The following TNPO3 variants were observed in gnomAD, a reference collection of about 807,000 sequenced individuals.
TNPO3 encodes the protein transportin 3.
Under a neutral mutation model 122.8 loss-of-function variants are expected in TNPO3, and 65 were observed. That is an observed-to-expected ratio of 0.53 (90% confidence interval 0.43 to 0.65). The LOEUF (loss-of-function observed/expected upper bound fraction) is 0.65, where lower values mean the gene tolerates loss of function less well. Ranked by LOEUF, TNPO3 falls within the 30% of genes least tolerant of loss-of-function variation. TNPO3 has a pLI of 0.00. For synonymous variants in TNPO3, 372 were observed against 411.2 expected, an observed-to-expected ratio of 0.90 and a Z score of 1.15; for missense variants, 850 against 1,136.7, an observed-to-expected ratio of 0.75 and a Z score of 3.63.
In TNPO3 at chr7:128,990,036, T is replaced by C; in HGVS notation, c.1423A>G (p.Thr475Ala). Residue 475 changes from threonine to alanine, a missense_variant, in exon 11 of 23, where the codon ACG (threonine) becomes GCG (alanine). Transcript: ENST00000265388. ...TCAATGCTGGTGTATCGCACAGCCG[T>C]ATGTACGGTCTCCGGGAGGCGGACA... ...GVVRLPETVH[T>A]AVRYTSIELV... 1 of 1,614,234 alleles carries C rather than the reference T, an allele frequency of 6.2e-7. No homozygotes were observed.
chr7:128,994,136 T>C (rs547155223), intron 8 of TNPO3, among the ~76,000 whole-genome samples: 1 of 152,218 alleles, frequency 6.6e-6, no homozygotes, highest in South Asian at 2.1e-4. Flanking sequence ...AGAAAATCTT[T>C]GGTTTGTGTG....
intron 21 of TNPO3, among the ~76,000 whole-genome samples, chr7:128,959,587 C>A (rs759753758): frequency 6.6e-6 from 1 of 152,134 alleles, no homozygotes; most frequent in South Asian, 2.1e-4. Flanking sequence ...AACTTTAGTG[C>A]GATAGGGTGA....
chr7:128,995,573 A>T (rs1801218522), intron 8 of TNPO3, among the ~76,000 whole-genome samples: 2 of 152,276 alleles, frequency 1.3e-5, no homozygotes, highest in Admixed American at 1.3e-4. Flanking sequence ...ATTACCCGCA[A>T]GGGAAATGGT....
At position 128,994,859 on chromosome 7, in the gene TNPO3, T is replaced by C. The variant is rs199729091; in HGVS notation, c.1159-945A>G. Among the ~76,000 whole-genome samples, 6 of 152,282 alleles carry C rather than the reference T, an allele frequency of 3.9e-5. No individual in the cohort carries two copies. In the East Asian group the frequency reaches 1.2e-3, roughly 29 times the overall value. ...TTTTTGTAGAGTTAGGGTTTTGCCA[T>C]GTTGCCCAGGCTGGTCTCAAACTCC... On this transcript the variant is annotated intron_variant, in intron 8 of 22. Coordinates refer to ENST00000265388, the MANE Select transcript of TNPO3 (RefSeq NM_012470.4).
At chr7:129,056,066 CG>C, upstream of TNPO3, 1 of 1,168,378 alleles carries the variant, frequency 8.6e-7, no homozygotes, top group Admixed American at 1.9e-5. Flanking sequence ...GGAAGATGAA[CG>C]GGCGGAAGAA....
At chr7:128,983,619 A>C (rs1333779780) in intron 13 of TNPO3, among the ~76,000 whole-genome samples, 3 of 152,232 alleles carry the variant, frequency 2.0e-5, no homozygotes, top group African/African-American at 7.2e-5. Context: ...GCTGACCCTG[A>C]CATAGCAACC....
intron 18 of TNPO3, among the ~76,000 whole-genome samples, chr7:128,973,825 G>A (rs10247003): frequency 1 from 115,536 of 115,746 alleles, 57,663 homozygotes; most frequent in African/African-American, 1. Context: ...AAAAAGAAAA[G>A]GAAAAAAAAA....
Position 129,054,667 on chromosome 7 carries a change from C to A in TNPO3, c.104G>T (p.Gly35Val). Residue 35 changes from glycine to valine, a missense_variant, in exon 1 of 23, where the codon GGG becomes GTG. Physicochemically the swap from Gly to Val is moderately radical, Grantham distance 109. Coordinates refer to ENST00000265388, the MANE Select transcript of TNPO3 (RefSeq NM_012470.4). Reference sequence around the variant, plus strand: ...GCCCCTCACCGAACGCTGCAGCTCCCCAAGCCAAAAAGAGGCGCGCTCCTT... The same window carrying A: ...GCCCCTCACCGAACGCTGCAGCTCCACAAGCCAAAAAGAGGCGCGCTCCTT... ...SGKERASFWLGELQRSVHAWE... is the reference protein window; with the variant it reads ...SGKERASFWLVELQRSVHAWE... 2 of 1,614,072 alleles carry A rather than the reference C, an allele frequency of 1.2e-6. No individual in the cohort carries two copies. The highest frequency in any genetic ancestry group is 1.7e-6 in the Non-Finnish European group (2 of 1,180,038).
intron 1 of TNPO3, among the ~76,000 whole-genome samples, chr7:129,026,125 CA>C (rs57663203): frequency 0.51 from 50,338 of 99,248 alleles, 8,851 homozygotes; most frequent in East Asian, 0.57. Flanking sequence ...GACTCCGTCT[CA>C]AAAAAAAAAA....
chr7:129,042,865 C>A (rs1215532515), intron 1 of TNPO3, among the ~76,000 whole-genome samples: 1 of 133,388 alleles, frequency 7.5e-6, no homozygotes, highest in African/African-American at 2.8e-5. Flanking sequence ...TCCCATCCTC[C>A]AAAAAAAAAA....
At position 128,975,855 on chromosome 7, in the gene TNPO3, T is replaced by C; in HGVS notation, c.2142A>G (p.Glu714=). ...CTAGCAGTCCCTGCCGACAGCCTTC[T>C]TCCATGCCATATTCATCCACAAGGA... The part of the protein sequence containing the change: ...GSILVDEYGM[E]EGCRQGLLDM... Residue 714 remains glutamate, a synonymous_variant, in exon 17 of 23, where the codon GAA becomes GAG. Coordinates refer to ENST00000265388, the MANE Select transcript of TNPO3 (RefSeq NM_012470.4). 6.2e-7 allele frequency: 1 copy of C among 1,614,024 alleles called. No homozygotes were observed.
chr7:128,988,565 T>C (rs1156408677), intron 11 of TNPO3, among the ~76,000 whole-genome samples: 1 of 152,144 alleles, frequency 6.6e-6, no homozygotes, highest in Non-Finnish European at 1.5e-5. Flanking sequence ...CAAATCTGAA[T>C]GAGATACTGC....
In TNPO3 at chr7:129,039,274, G is replaced by A. The variant is rs145232465; in HGVS notation, c.120+15377C>T. Among the ~76,000 whole-genome samples the A allele has an allele frequency of 2.3e-3, 345 of 152,184 alleles. 1 individual carries two copies. The highest frequency in any genetic ancestry group is 4.1e-3 in the Non-Finnish European group (278 of 67,992). On this transcript the variant is annotated intron_variant, in intron 1 of 22. Transcript: ENST00000265388. ...TTCCTTGAAAGGTTAAAAATAGAGC[G>A]TTATCACCCAGGCACAGTGGCTCAC...
intron 4 of TNPO3, among the ~76,000 whole-genome samples, chr7:129,011,877 G>A (rs1270149936): frequency 6.6e-6 from 1 of 152,028 alleles, no homozygotes. Context: ...TGGTTTGAGT[G>A]AAATTTGCTG....
intron 1 of TNPO3, among the ~76,000 whole-genome samples, chr7:129,049,363 AG>A (rs1808433932): frequency 1.3e-5 from 2 of 152,218 alleles, no homozygotes; most frequent in Non-Finnish European, 2.9e-5. Flanking sequence ...ATCTGACAAG[AG>A]GAGAAGCAGC....
At chr7:128,977,757 T>C (rs3778749) in intron 16 of TNPO3, among the ~76,000 whole-genome samples, 96,716 of 151,912 alleles carry the variant, frequency 0.64, 31,112 homozygotes, top group Middle Eastern at 0.71. Flanking sequence ...CCACTGCGCC[T>C]GGCTAATTTT....
Position 128,971,788 on chromosome 7 carries a change from A to G in TNPO3, c.2430+638T>C, listed in dbSNP as rs1239466770. On this transcript the variant is annotated intron_variant, in intron 19 of 22. Coordinates refer to ENST00000265388, the MANE Select transcript of TNPO3 (RefSeq NM_012470.4). ...TCTAATCCATCAAAATTCTACCTCT[A>G]ATTCATGGCTTCATTTAAATCCCTC... Among the ~76,000 whole-genome samples, 3 of 152,106 alleles carry G rather than the reference A, an allele frequency of 2.0e-5. No individual in the cohort carries two copies. In the East Asian group the frequency reaches 5.8e-4, roughly 29 times the overall value.
intron 1 of TNPO3, among the ~76,000 whole-genome samples, chr7:129,037,790 C>T (rs1215692321): frequency 6.6e-6 from 1 of 152,164 alleles, no homozygotes. Flanking sequence ...AGAAAAACCT[C>T]TACCCCTAGG....
chr7:129,048,056 A>G lies in TNPO3; in HGVS notation c.120+6595T>C, dbSNP rs185232582. Among the ~76,000 whole-genome samples the G allele has an allele frequency of 2.0e-5, 3 of 152,216 alleles. 1 individual carries two copies. The highest frequency in any genetic ancestry group is 2.0e-4 in the Admixed American group (3 of 15,296). The stretch of plus-strand genomic sequence containing the variant: ...GGCAACATGGCAAGACCCTGACTCT[A>G]CAAAAAATACAAAACATTAGCCAGG... On this transcript the variant is annotated intron_variant, in intron 1 of 22. Coordinates refer to ENST00000265388, the MANE Select transcript of TNPO3 (RefSeq NM_012470.4).
Sources: allele counts gnomAD v4.1 joint callset (sites outside exome capture counted in the v4.1 genomes callset), GRCh38; gene constraint gnomAD v4.1.1; transcripts MANE v1.5; gene names NCBI Gene and HGNC (gene_info 2026-07-23, HGNC 2026-07-21).